HEATR5A: variants seen among roughly 807,000 people sequenced by gnomAD.
HEATR5A encodes HEAT repeat containing 5A, also known as HEAT repeat-containing protein 5A.
Under a neutral mutation model 218.8 loss-of-function variants are expected in HEATR5A, and 178 were observed. The ratio of observed to expected loss-of-function variants is 0.81; its 90% CI spans 0.72 to 0.92. HEATR5A has a LOEUF of 0.92. Among genes scored for constraint, HEATR5A ranks in the 40% least tolerant of loss-of-function variants. The probability of loss-of-function intolerance (pLI) is 0.00; values close to 1 mark genes in which losing one functional copy is unlikely to be tolerated. For missense variants in HEATR5A, 2,420 were observed against 2,418.9 expected, an observed-to-expected ratio of 1.00 and a Z score of -0.01; for synonymous variants, 864 against 871.6, an observed-to-expected ratio of 0.99 and a Z score of 0.15.
chr14:31,378,816 CTACT>C (rs538598156), intron 11 of HEATR5A, among the ~76,000 whole-genome samples: 242 of 150,460 alleles, frequency 1.6e-3, no homozygotes, highest in South Asian at 9.4e-3. Flanking sequence ...AAAAAAAACA[CTACT>C]TAAAGTAGTT....
Position 31,403,549 on chromosome 14 carries a change from G to A in HEATR5A, c.-74-500C>T, listed in dbSNP as rs556002520. Among the ~76,000 whole-genome samples the A allele has an allele frequency of 1.7e-4, 26 of 152,286 alleles. No individual in the cohort carries two copies. In the East Asian group the frequency reaches 4.8e-3, roughly 28 times the overall value. ...GAGGGACTTAAGCCCATTAGCATCA[G>A]TTCCCCCAGCCTAATAAAGGCATTG... is the stretch of plus-strand genomic sequence containing the variant. On this transcript the variant is annotated intron_variant, in intron 1 of 35. Transcript: ENST00000543095.
intron 21 of HEATR5A, among the ~76,000 whole-genome samples, chr14:31,343,655 T>C (rs548014932): frequency 6.6e-6 from 1 of 152,174 alleles, no homozygotes; most frequent in African/African-American, 2.4e-5. Flanking sequence ...CATTGATTTA[T>C]GAATAAATAT....
At chr14:31,304,767 C>G (rs1899502720) in intron 32 of HEATR5A, 138 bp downstream of exon 32, 6 of 863,162 alleles carry the variant, frequency 7.0e-6, no homozygotes, top group Non-Finnish European at 1.1e-5. Flanking sequence ...TAATCCTAAT[C>G]TTAGAGGATT....
intron 1 of HEATR5A, among the ~76,000 whole-genome samples, chr14:31,407,454 G>C (rs1231909803): frequency 6.6e-6 from 1 of 152,048 alleles, no homozygotes; most frequent in South Asian, 2.1e-4. Flanking sequence ...TGTATATTAT[G>C]ACTCTCCATG....
intron 22 of HEATR5A, among the ~76,000 whole-genome samples, chr14:31,334,947 A>AC (rs1900602173): frequency 2.3e-5 from 1 of 43,406 alleles, no homozygotes; most frequent in Non-Finnish European, 5.8e-5. Context: ...TTCCATCTCA[A>AC]AAAAAAAAAA....
chr14:31,315,423 A>C (rs1467173905), intron 27 of HEATR5A, among the ~76,000 whole-genome samples: 1 of 152,216 alleles, frequency 6.6e-6, no homozygotes, highest in East Asian at 1.9e-4. Flanking sequence ...CATTCTACGA[A>C]AGAGCATTAG....
At chr14:31,342,772 C>T (rs1015487043) in intron 21 of HEATR5A, among the ~76,000 whole-genome samples, 9 of 152,280 alleles carry the variant, frequency 5.9e-5, no homozygotes, top group East Asian at 3.9e-4. Flanking sequence ...TTTAACTTTT[C>T]GGTCTTCAGT....
chr14:31,385,496 T>C (rs564641034), intron 9 of HEATR5A, among the ~76,000 whole-genome samples: 1 of 151,472 alleles, frequency 6.6e-6, no homozygotes, highest in Non-Finnish European at 1.5e-5. Context: ...TATTGAATGA[T>C]TTTTTTTTAA....
In HEATR5A at chr14:31,325,484, A is replaced by ATATGTATG. The variant is rs543647892; in HGVS notation, c.3547+671_3547+678dup. ...AGGGGTGGGGTGGGTATGTATGAAC[A>ATATGTATG]TATGTATGTATGTATGTATGTATGT... On this transcript the variant is annotated intron_variant, in intron 23 of 35. Transcript: ENST00000543095. Among the ~76,000 whole-genome samples the ATATGTATG allele has an allele frequency of 3.6e-3, 514 of 142,280 alleles. 3 individuals are homozygous for ATATGTATG. The highest frequency in any genetic ancestry group is 0.011 in the Middle Eastern group (3 of 284). 93.3% of individuals were successfully genotyped at this position (142,280 alleles called of 152,430 possible). A position where few individuals can be genotyped will look rare whatever the true frequency, so the allele number is the denominator to read the frequency against.
chr14:31,395,459 A>G (rs190564892), intron 4 of HEATR5A, 111 bp from the exon 5 acceptor site: 159 of 494,576 alleles, frequency 3.2e-4, no homozygotes, highest in African/African-American at 2.9e-3. Context: ...TTCTCTACAT[A>G]CTAACCAACC....
At chr14:31,397,921 GA>G (rs1437152831) in intron 4 of HEATR5A, among the ~76,000 whole-genome samples, 1 of 152,146 alleles carries the variant, frequency 6.6e-6, no homozygotes, top group Non-Finnish European at 1.5e-5. Context: ...TCAAGTAGCT[GA>G]GATCACAGGT....
At chr14:31,370,697 G>T (rs975485994) in intron 13 of HEATR5A, among the ~76,000 whole-genome samples, 1 of 152,122 alleles carries the variant, frequency 6.6e-6, no homozygotes, top group Admixed American at 6.6e-5. Flanking sequence ...ATTGACAAGA[G>T]AATCAATATG....
intron 32 of HEATR5A, among the ~76,000 whole-genome samples, chr14:31,303,120 C>A (rs960847296): frequency 1.0e-4 from 15 of 149,554 alleles, no homozygotes; most frequent in African/African-American, 2.2e-4. Context: ...AAAAAAAAAA[C>A]CAACCAACTA....
chr14:31,350,594 GA>G lies in HEATR5A; in HGVS notation c.2517+17del. The stretch of plus-strand genomic sequence containing the variant: ...TAAAAAATGAAGCCAACATTTAAAT[GA>G]AAAAAATAATAATTACCTTCAAGAA... On this transcript the variant is annotated intron_variant, in intron 17 of 35. Coordinates refer to ENST00000543095, the MANE Select transcript of HEATR5A (RefSeq NM_015473.4). 1 of 1,396,912 alleles carries G rather than the reference GA, an allele frequency of 7.2e-7. No individual in the cohort carries two copies. The highest frequency in any genetic ancestry group is 9.8e-7 in the Non-Finnish European group (1 of 1,017,166). 86.5% of individuals were successfully genotyped at this position (1,396,912 alleles called of 1,614,324 possible).
At chr14:31,359,285 A>AGTGT (rs1901535212) in intron 14 of HEATR5A, among the ~76,000 whole-genome samples, 541 of 12,574 alleles carry the variant, frequency 0.043, 9 homozygotes, top group Middle Eastern at 0.062. Flanking sequence ...TCAAAGTGTA[A>AGTGT]GAGTGTGTGT....
At chr14:31,415,392 A>G (rs1340778468) in intron 1 of HEATR5A, among the ~76,000 whole-genome samples, 1 of 152,198 alleles carries the variant, frequency 6.6e-6, no homozygotes, top group Admixed American at 6.5e-5. Context: ...TATTCCATCA[A>G]ATCCCCACAA....
chr14:31,356,911 C>T (rs1901445154), intron 16 of HEATR5A, among the ~76,000 whole-genome samples: 1 of 152,186 alleles, frequency 6.6e-6, no homozygotes, highest in South Asian at 2.1e-4. Flanking sequence ...TAAGAACAGG[C>T]TTAATTTAAA....
chr14:31,417,846 T>A (rs964979859), intron 1 of HEATR5A, among the ~76,000 whole-genome samples: 9 of 152,054 alleles, frequency 5.9e-5, no homozygotes, highest in African/African-American at 2.2e-4. Flanking sequence ...CATTACACAC[T>A]GCAGATCCAG....
chr14:31,329,976 G>A (rs1385410243), intron 22 of HEATR5A, among the ~76,000 whole-genome samples: 2 of 152,216 alleles, frequency 1.3e-5, no homozygotes, highest in Non-Finnish European at 2.9e-5. Flanking sequence ...CTCCCAAAGT[G>A]CTGGGATTAT....
Sources: allele counts gnomAD v4.1 joint callset (sites outside exome capture counted in the v4.1 genomes callset), GRCh38; gene constraint gnomAD v4.1.1; transcripts MANE v1.5; gene names NCBI Gene and HGNC (gene_info 2026-07-23, HGNC 2026-07-21).